The following DDAH1 variants were observed in gnomAD, a reference collection of about 807,000 sequenced individuals.
DDAH1 encodes the protein dimethylarginine dimethylaminohydrolase 1.
DDAH1 carries 19 observed loss-of-function variants against 28.8 expected under a neutral mutation model. That is an observed-to-expected ratio of 0.66 (90% CI 0.46 to 0.97). The LOEUF is 0.97. Among genes scored for constraint, DDAH1 ranks in the 50% least tolerant of loss-of-function variants. The pLI is 0.00. For synonymous variants in DDAH1, 153 were observed against 154.4 expected (o/e 0.99, Z 0.07); for missense variants, 326 against 375.9 (o/e 0.87, Z 1.10).
chr1:85,368,748 A>C (rs1198635237), intron 1 of DDAH1, among the ~76,000 whole-genome samples: 1 of 152,176 alleles, frequency 6.6e-6, no homozygotes, highest in Non-Finnish European at 1.5e-5. Flanking sequence ...CAAGTTTATA[A>C]AATTCTAAAC....
At chr1:85,505,905 C>T (rs1656998308) in intron 1 of DDAH1, among the ~76,000 whole-genome samples, 1 of 152,058 alleles carries the variant, frequency 6.6e-6, no homozygotes, top group Non-Finnish European at 1.5e-5. Context: ...CCATAGAAGC[C>T]ATGTCCTAAA....
chr1:85,536,030 T>C (rs1466967393), intron 1 of DDAH1, among the ~76,000 whole-genome samples: 1 of 151,672 alleles, frequency 6.6e-6, no homozygotes, highest in Non-Finnish European at 1.5e-5. Context: ...GGAGGCTAAG[T>C]TGGGCGGATC....
chr1:85,368,802 A>C (rs1650216244), intron 1 of DDAH1, among the ~76,000 whole-genome samples: 1 of 152,210 alleles, frequency 6.6e-6, no homozygotes, highest in Non-Finnish European at 1.5e-5. Flanking sequence ...TGCTGTGCAC[A>C]TGATCCAAAA....
At chr1:85,530,449 A>G (rs1276183378) in intron 1 of DDAH1, among the ~76,000 whole-genome samples, 2 of 151,690 alleles carry the variant, frequency 1.3e-5, no homozygotes, top group Non-Finnish European at 2.9e-5. Flanking sequence ...ACAGGTTGAA[A>G]TGTGCTGCCT....
chr1:85,323,937 C>G (rs1220309047), intron 5 of DDAH1, among the ~76,000 whole-genome samples: 1 of 147,380 alleles, frequency 6.8e-6, no homozygotes, highest in Non-Finnish European at 1.5e-5. Context: ...CCACTGCACT[C>G]CAGACTTGGC....
chr1:85,461,136 T>C (rs997738531), intron 1 of DDAH1, among the ~76,000 whole-genome samples: 24 of 149,654 alleles, frequency 1.6e-4, no homozygotes, highest in Admixed American at 7.3e-4. Context: ...AACAGAGAAG[T>C]TGCATTTTTT....
chr1:85,379,392 A>G (rs1650861507), intron 1 of DDAH1, among the ~76,000 whole-genome samples: 1 of 152,168 alleles, frequency 6.6e-6, no homozygotes, highest in Admixed American at 6.5e-5. Context: ...CCTAATATTT[A>G]AGCTTCATAA....
At chr1:85,387,874 G>A (rs1484980528) in intron 1 of DDAH1, among the ~76,000 whole-genome samples, 1 of 152,170 alleles carries the variant, frequency 6.6e-6, no homozygotes, top group Non-Finnish European at 1.5e-5. Flanking sequence ...CTTCTGACAA[G>A]GGCCTCAGGC....
At chr1:85,507,069 G>C (rs1657042477) in intron 1 of DDAH1, among the ~76,000 whole-genome samples, 1 of 152,092 alleles carries the variant, frequency 6.6e-6, no homozygotes, top group African/African-American at 2.4e-5. Context: ...CTTCAATGTA[G>C]ATGCAACAAT....
In DDAH1 at chr1:85,464,662, G is replaced by A. The variant is rs1240365100; in HGVS notation, c.303+81C>T. Reference sequence around the variant, plus strand: ...CTACTAGCCCGAGGGCCAATGGCGCGACTCCCCAGGCAACACGGCGGCCGG... The same window carrying A: ...CTACTAGCCCGAGGGCCAATGGCGCAACTCCCCAGGCAACACGGCGGCCGG... On this transcript the variant is annotated intron_variant, in intron 1 of 5. Coordinates refer to ENST00000284031, the MANE Select transcript of DDAH1 (RefSeq NM_012137.4). This position sits in a 1 kb window ranked among gnomAD's most constrained non-coding sequence, Gnocchi z 4.4. 2.1e-6 allele frequency: 3 copies of A among 1,460,398 alleles called. No individual in the cohort carries two copies. Among genetic ancestry groups the A allele is most frequent in the African/African-American group, 2.9e-5 (2 of 69,530 alleles). The allele number at this position is 1,460,398 out of a possible 1,614,324, so 90.5% of individuals were successfully genotyped here. A position where few individuals can be genotyped will look rare whatever the true frequency, so the allele number is the denominator to read the frequency against.
At chr1:85,454,814 C>T (rs1253125367) in intron 1 of DDAH1, among the ~76,000 whole-genome samples, 2 of 152,134 alleles carry the variant, frequency 1.3e-5, no homozygotes, top group Non-Finnish European at 2.9e-5. Flanking sequence ...AAAACCTTGT[C>T]TTGAAGCTGT....
chr1:85,521,343 C>A (rs1253351056), intron 1 of DDAH1, among the ~76,000 whole-genome samples: 1 of 151,666 alleles, frequency 6.6e-6, no homozygotes, highest in Non-Finnish European at 1.5e-5. Flanking sequence ...TTATTGCCCT[C>A]CACACCCTGA....
chr1:85,546,539 T>C (rs921518181), intron 1 of DDAH1, among the ~76,000 whole-genome samples: 2 of 152,156 alleles, frequency 1.3e-5, no homozygotes, highest in Admixed American at 1.3e-4. Flanking sequence ...AGGCAGATCA[T>C]GCAAGAACAG....
At chr1:85,384,398 G>T (rs1415989600) in intron 1 of DDAH1, among the ~76,000 whole-genome samples, 1 of 152,148 alleles carries the variant, frequency 6.6e-6, no homozygotes, top group Non-Finnish European at 1.5e-5. Flanking sequence ...CCCTCAATTT[G>T]ATAAGACCAG....
At position 85,464,716 on chromosome 1, in the gene DDAH1, G is replaced by A. The variant is rs747474833; in HGVS notation, c.303+27C>T. 1.0e-5 allele frequency: 15 copies of A among 1,449,768 alleles called. No individual in the cohort carries two copies. In the African/African-American group the frequency reaches 1.9e-4, roughly 18 times the overall value. 89.8% of individuals were successfully genotyped at this position (1,449,768 alleles called of 1,614,324 possible). ...CGGGGGAGGGCCTGGCGCGCGCCCC[G>A]GCCGCGCCCCTCGAGTCGGCAGTTA... On this transcript the variant is annotated intron_variant, in intron 1 of 5. Transcript: ENST00000284031. This position sits in a 1 kb window ranked among gnomAD's most constrained non-coding sequence, Gnocchi z 4.4.
At chr1:85,470,337 T>C (rs953364527) in intron 2 of DDAH1, among the ~76,000 whole-genome samples, 3 of 152,212 alleles carry the variant, frequency 2.0e-5, no homozygotes, top group African/African-American at 7.2e-5. Context: ...TTTCCCCTTA[T>C]AAAACCCTCA....
chr1:85,384,096 T>A (rs1351544914), intron 1 of DDAH1, among the ~76,000 whole-genome samples: 1 of 152,228 alleles, frequency 6.6e-6, no homozygotes, highest in Non-Finnish European at 1.5e-5. Flanking sequence ...GCAAGGCTCT[T>A]CTGAGGCTCT....
intron 1 of DDAH1, among the ~76,000 whole-genome samples, chr1:85,515,981 A>G (rs1657455950): frequency 6.6e-6 from 1 of 152,100 alleles, no homozygotes; most frequent in African/African-American, 2.4e-5. Context: ...TGACTTGTGG[A>G]TGTCTACCTT....
chr1:85,577,906 TG>T, intron 1 of DDAH1: 1 of 932,840 alleles, frequency 1.1e-6, no homozygotes, highest in Non-Finnish European at 1.3e-6. Context: ...TATTTCCTCC[TG>T]GGGCACCCGT....
Sources: allele counts gnomAD v4.1 joint callset (sites outside exome capture counted in the v4.1 genomes callset), GRCh38; gene constraint gnomAD v4.1.1; non-coding constraint Gnocchi (gnomAD v3.1); transcripts MANE v1.5; gene names NCBI Gene and HGNC (gene_info 2026-07-23, HGNC 2026-07-21).